Variants in GALNT17 observed in about 807,000 individuals in gnomAD.
The protein encoded by GALNT17 is polypeptide N-acetylgalactosaminyltransferase 17, also known as UDP-GalNAc:polypeptide N-acetylgalactosaminyltransferase-like 3.
A neutral mutation model predicts 63.7 loss-of-function variants in GALNT17; 29 were observed. The ratio of observed to expected loss-of-function variants is 0.46; its 90% confidence interval spans 0.34 to 0.62. The LOEUF (loss-of-function observed/expected upper bound fraction) is 0.62, where lower values mean the gene tolerates loss of function less well. Ranked by LOEUF, GALNT17 falls within the 20% of genes least tolerant of loss-of-function variation. The probability of loss-of-function intolerance (pLI) is 0.01; values close to 1 mark genes in which losing one functional copy is unlikely to be tolerated. For synonymous variants in GALNT17, 305 were observed against 318.3 expected (o/e 0.96, Z 0.45); for missense variants, 603 against 799.6 (o/e 0.75, Z 2.97).
intron 5 of GALNT17, among the ~76,000 whole-genome samples, chr7:71,537,969 T>G (rs1196865587): frequency 1.3e-5 from 2 of 152,090 alleles, no homozygotes; most frequent in Non-Finnish European, 2.9e-5. Context: ...AGCAGATTAT[T>G]CCCTGGAGCC....
In GALNT17 at chr7:71,480,569, C is replaced by T. The variant is rs536218750; in HGVS notation, c.962+59464C>T. ...TCACCCAGGCTGGAGTGCAATGGCACGATCTTGGCTCACTGCAACCTCTGC... is the reference window on the plus strand; with the variant it reads ...TCACCCAGGCTGGAGTGCAATGGCATGATCTTGGCTCACTGCAACCTCTGC... On this transcript the variant is annotated intron_variant, in intron 5 of 10. Coordinates refer to ENST00000333538, the MANE Select transcript of GALNT17 (RefSeq NM_022479.3). Among the ~76,000 whole-genome samples, 6 of 152,276 alleles carry T rather than the reference C, an allele frequency of 3.9e-5. No individual in the cohort carries two copies. The East Asian group carries it at 9.7e-4, about 25-fold the overall frequency.
chr7:71,586,725 T>G (rs1165973342), intron 6 of GALNT17, among the ~76,000 whole-genome samples: 1 of 152,068 alleles, frequency 6.6e-6, no homozygotes, highest in Non-Finnish European at 1.5e-5. Flanking sequence ...TTCTTTTATT[T>G]ATTTATTTTT....
At chr7:71,427,183 G>A (rs1381523640) in intron 5 of GALNT17, among the ~76,000 whole-genome samples, 1 of 150,670 alleles carries the variant, frequency 6.6e-6, no homozygotes, top group Non-Finnish European at 1.5e-5. Flanking sequence ...AGGTTGAAGC[G>A]ATTCTCTTGC....
chr7:71,237,567 C>A (rs1325329653), intron 1 of GALNT17, among the ~76,000 whole-genome samples: 1 of 151,292 alleles, frequency 6.6e-6, no homozygotes. Context: ...CGCCTGTAGT[C>A]CCAGCTACTC....
chr7:71,381,604 C>T (rs1792848959), intron 2 of GALNT17, among the ~76,000 whole-genome samples: 1 of 151,914 alleles, frequency 6.6e-6, no homozygotes, highest in Non-Finnish European at 1.5e-5. Flanking sequence ...CATGGTGGAA[C>T]CCCATCTTTA....
chr7:71,136,941 C>A (rs1785080599), intron 1 of GALNT17, among the ~76,000 whole-genome samples: 2 of 151,960 alleles, frequency 1.3e-5, no homozygotes, highest in Non-Finnish European at 2.9e-5. Context: ...TACATGCTAC[C>A]ATGCCCAGCT....
chr7:71,607,907 T>C (rs1444212813), intron 6 of GALNT17, among the ~76,000 whole-genome samples: 2 of 152,210 alleles, frequency 1.3e-5, no homozygotes, highest in African/African-American at 4.8e-5. Flanking sequence ...TAGGATAAGC[T>C]ATGCTACAGT....
Position 71,420,921 on chromosome 7 carries a change from C to G in GALNT17, c.778C>G (p.Leu260Val). ...EFTAGWAEPV[L>V]SRIQENRKRV... is the part of the protein sequence containing the mutation. ...TCTATGTTTCAGGGCTGAGCCGGTT[C>G]TATCCCGCATCCAGGAAAACCGGAA... Residue 260 changes from leucine (L) to valine (V), a missense_variant, in exon 5 of 11, where the codon CTA becomes GTA. Leu to Val is a conservative substitution (Grantham distance 32). Coordinates refer to ENST00000333538, the MANE Select transcript of GALNT17 (RefSeq NM_022479.3). 1 of 1,614,146 alleles carries G rather than the reference C, an allele frequency of 6.2e-7. No homozygotes were observed. Among genetic ancestry groups the G allele is most frequent in the Non-Finnish European group, 8.5e-7 (1 of 1,180,022 alleles).
At chr7:71,255,576 AC>A (rs1263636917) in intron 1 of GALNT17, among the ~76,000 whole-genome samples, 1 of 152,248 alleles carries the variant, frequency 6.6e-6, no homozygotes, top group Non-Finnish European at 1.5e-5. Flanking sequence ...GTTTACTGGG[AC>A]GGTAGTGCAA....
At chr7:71,215,206 T>A (rs1395456486) in intron 1 of GALNT17, among the ~76,000 whole-genome samples, 1 of 152,168 alleles carries the variant, frequency 6.6e-6, no homozygotes, top group Non-Finnish European at 1.5e-5. Flanking sequence ...GTTACCAGAG[T>A]CCAGTTCCGG....
At chr7:71,315,340 G>T (rs1285638970) in intron 1 of GALNT17, among the ~76,000 whole-genome samples, 1 of 152,178 alleles carries the variant, frequency 6.6e-6, no homozygotes, top group Non-Finnish European at 1.5e-5. Context: ...AATCACTTGT[G>T]TACAGGTTTT....
chr7:71,164,575 A>G (rs1027631917), intron 1 of GALNT17, among the ~76,000 whole-genome samples: 4 of 152,232 alleles, frequency 2.6e-5, no homozygotes, highest in Non-Finnish European at 5.9e-5. Context: ...GAGAAGGGAA[A>G]TAGTGAGGAA....
At chr7:71,366,888 G>C (rs573511233) in intron 2 of GALNT17, among the ~76,000 whole-genome samples, 6 of 152,138 alleles carry the variant, frequency 3.9e-5, no homozygotes, top group African/African-American at 1.4e-4. Context: ...ATAGTTCTTG[G>C]ATGCCTTTCT....
intron 5 of GALNT17, among the ~76,000 whole-genome samples, chr7:71,463,235 G>T (rs117576461): frequency 0.019 from 2,866 of 152,260 alleles, 38 homozygotes; most frequent in African/African-American, 0.029. Flanking sequence ...CATCTTAAGT[G>T]ATCCTTAAAC....
chr7:71,266,389 T>A (rs1015554117), intron 1 of GALNT17, among the ~76,000 whole-genome samples: 3 of 152,170 alleles, frequency 2.0e-5, no homozygotes, highest in Non-Finnish European at 4.4e-5. Context: ...TCATGAGATC[T>A]GGTTGTTTGA....
chr7:71,446,277 A>C lies in GALNT17; in HGVS notation c.962+25172A>C, dbSNP rs531594982. On this transcript the variant is annotated intron_variant, in intron 5 of 10. Coordinates refer to ENST00000333538, the MANE Select transcript of GALNT17 (RefSeq NM_022479.3). ...TTTTTTTATTATGTATTCATTATAA[A>C]ATTTATACTGTATCCATTATAAATT... Among the ~76,000 whole-genome samples the C allele has an allele frequency of 1.6e-4, 25 of 152,336 alleles. No homozygotes were observed. In the South Asian group the frequency reaches 4.8e-3, roughly 29 times the overall value.
chr7:71,377,367 A>G (rs1303174135), intron 2 of GALNT17, among the ~76,000 whole-genome samples: 1 of 39,196 alleles, frequency 2.6e-5, no homozygotes, highest in African/African-American at 1.7e-4. Flanking sequence ...ATATTCCAAA[A>G]TAAATATTAA....
At chr7:71,511,998 T>TA (rs1455641711) in intron 5 of GALNT17, among the ~76,000 whole-genome samples, 1 of 147,584 alleles carries the variant, frequency 6.8e-6, no homozygotes, top group Non-Finnish European at 1.5e-5. Flanking sequence ...GTCAATGTAC[T>TA]AATTTGGGTT....
At chr7:71,294,612 A>G (rs948549568) in intron 1 of GALNT17, among the ~76,000 whole-genome samples, 1 of 151,872 alleles carries the variant, frequency 6.6e-6, no homozygotes, top group African/African-American at 2.4e-5. Context: ...ATGGAGTTTC[A>G]CCATATTGGC....
Sources: allele counts gnomAD v4.1 joint callset (sites outside exome capture counted in the v4.1 genomes callset), GRCh38; gene constraint gnomAD v4.1.1; transcripts MANE v1.5; gene names NCBI Gene and HGNC (gene_info 2026-07-23, HGNC 2026-07-21).